Variants in LRRC4C observed in about 807,000 individuals in gnomAD.
LRRC4C encodes the protein leucine rich repeat containing 4C, also known as leucine-rich repeat-containing protein 4C.
Under a neutral mutation model 33.6 loss-of-function variants are expected in LRRC4C, and 5 were observed. That is an observed-to-expected ratio of 0.15 (90% CI 0.08 to 0.31). The LOEUF (loss-of-function observed/expected upper bound fraction) is 0.31. Ranked by LOEUF, LRRC4C falls within the 10% of genes least tolerant of loss-of-function variation. The pLI is 1.00. For missense variants in LRRC4C, 560 were observed against 796.7 expected, an observed-to-expected ratio of 0.70 and a Z score of 3.58; for synonymous variants, 329 against 302.0, an observed-to-expected ratio of 1.09 and a Z score of -0.93.
chr11:40,324,514 C>T (rs1317955821), intron 3 of LRRC4C, among the ~76,000 whole-genome samples: 2 of 152,200 alleles, frequency 1.3e-5, no homozygotes, highest in Admixed American at 1.3e-4. Context: ...AGTGCTGTAT[C>T]TGAGTTCTAC....
chr11:40,671,725 AATAT>A (rs143533392), intron 2 of LRRC4C, among the ~76,000 whole-genome samples: 21,535 of 149,758 alleles, frequency 0.14, 1,631 homozygotes, highest in Non-Finnish European at 0.17. Context: ...TGTAAATAGT[AATAT>A]ATAATTATCT....
intron 1 of LRRC4C, among the ~76,000 whole-genome samples, chr11:41,292,693 CAGTAACATAT>C (rs1950025709): frequency 2.6e-5 from 4 of 152,072 alleles, no homozygotes; most frequent in Non-Finnish European, 5.9e-5. Flanking sequence ...CTTAAGGATT[CAGTAACATAT>C]TGCAGCTTAT....
At chr11:40,596,577 C>T (rs1278468941) in intron 3 of LRRC4C, among the ~76,000 whole-genome samples, 1 of 151,964 alleles carries the variant, frequency 6.6e-6, no homozygotes, top group African/African-American at 2.4e-5. Context: ...TTTTTGTACG[C>T]TTCAACCATC....
chr11:40,540,059 A>G (rs1435423881), intron 3 of LRRC4C, among the ~76,000 whole-genome samples: 1 of 152,196 alleles, frequency 6.6e-6, no homozygotes, highest in East Asian at 1.9e-4. Context: ...AAAGTTGGAA[A>G]AAGTTTTACT....
intron 3 of LRRC4C, among the ~76,000 whole-genome samples, chr11:40,362,762 A>G (rs1041605823): frequency 3.3e-5 from 5 of 152,190 alleles, no homozygotes; most frequent in African/African-American, 1.2e-4. Context: ...AAAGGACACG[A>G]ACAGACGCTT....
intron 3 of LRRC4C, among the ~76,000 whole-genome samples, chr11:40,426,215 A>G (rs889107718): frequency 6.6e-6 from 1 of 152,000 alleles, no homozygotes; most frequent in African/African-American, 2.4e-5. Flanking sequence ...GGGTTTCACC[A>G]TGTTAGCCAG....
intron 2 of LRRC4C, among the ~76,000 whole-genome samples, chr11:40,829,132 T>C (rs1299341770): frequency 6.6e-6 from 1 of 152,012 alleles, no homozygotes; most frequent in Admixed American, 6.6e-5. Flanking sequence ...AAACTAGATA[T>C]CTTGTTTTGA....
intron 1 of LRRC4C, among the ~76,000 whole-genome samples, chr11:40,952,896 ACT>A (rs35019678): frequency 0.12 from 8,059 of 68,818 alleles, 226 homozygotes; most frequent in Non-Finnish European, 0.15. Context: ...ACACACACAC[ACT>A]CTCTCTCTCT....
At chr11:40,181,546 G>A (rs1861004070) in intron 5 of LRRC4C, among the ~76,000 whole-genome samples, 2 of 152,138 alleles carry the variant, frequency 1.3e-5, no homozygotes, top group Non-Finnish European at 2.9e-5. Flanking sequence ...CTCTGTGATG[G>A]ACTTTTCATA....
At chr11:41,177,899 TAACAA>T (rs1223321761) in intron 1 of LRRC4C, among the ~76,000 whole-genome samples, 3 of 152,120 alleles carry the variant, frequency 2.0e-5, no homozygotes, top group Non-Finnish European at 2.9e-5. Context: ...ATAAACACTT[TAACAA>T]ATCCCACAGC....
chr11:41,387,974 G>A (rs1031803530), intron 1 of LRRC4C, among the ~76,000 whole-genome samples: 2 of 151,682 alleles, frequency 1.3e-5, no homozygotes, highest in African/African-American at 2.4e-5. Flanking sequence ...AAAGCTTCTT[G>A]TTCCATAACC....
At chr11:41,244,865 T>C (rs1264378788) in intron 1 of LRRC4C, among the ~76,000 whole-genome samples, 2 of 152,138 alleles carry the variant, frequency 1.3e-5, no homozygotes, top group Admixed American at 1.3e-4. Flanking sequence ...AGACAAATAC[T>C]CACGACTGGC....
chr11:40,606,482 A>G lies in LRRC4C; in HGVS notation c.-270+41660T>C, dbSNP rs572336043. 9.9e-5 allele frequency among the ~76,000 whole-genome samples: 15 copies of G among 152,262 alleles called. No homozygotes were observed. The South Asian group carries it at 2.9e-3, about 29-fold the overall frequency. On this transcript the variant is annotated intron_variant, in intron 3 of 6. Transcript: ENST00000528697. ...CTAGGAGAGATTTTTTTTCAAATGAATGATAACAACATAAAATTACAAGGC... is the reference window on the plus strand; with the variant it reads ...CTAGGAGAGATTTTTTTTCAAATGAGTGATAACAACATAAAATTACAAGGC...
At chr11:40,238,784 C>T (rs80332604) in intron 5 of LRRC4C, among the ~76,000 whole-genome samples, 6,412 of 152,180 alleles carry the variant, frequency 0.042, 200 homozygotes, top group Middle Eastern at 0.078. Flanking sequence ...CTATCTTATT[C>T]ATATACCTGC....
intron 3 of LRRC4C, among the ~76,000 whole-genome samples, chr11:40,385,076 T>C (rs1256745068): frequency 6.6e-6 from 1 of 152,154 alleles, no homozygotes; most frequent in African/African-American, 2.4e-5. Flanking sequence ...AATACTTCAG[T>C]ATAAACACTT....
intron 1 of LRRC4C, among the ~76,000 whole-genome samples, chr11:41,447,308 T>C (rs1249595424): frequency 6.6e-6 from 1 of 152,216 alleles, no homozygotes; most frequent in East Asian, 1.9e-4. Flanking sequence ...ATGTTCATCC[T>C]CATCACGGGC....
At chr11:40,618,070 C>G (rs1231758215) in intron 3 of LRRC4C, among the ~76,000 whole-genome samples, 2 of 151,568 alleles carry the variant, frequency 1.3e-5, no homozygotes, top group East Asian at 3.9e-4. Flanking sequence ...TTTGAACCAG[C>G]GTGAATTAGG....
chr11:41,017,826 T>A (rs1402564419), intron 1 of LRRC4C, among the ~76,000 whole-genome samples: 1 of 150,896 alleles, frequency 6.6e-6, no homozygotes, highest in African/African-American at 2.4e-5. Flanking sequence ...TATGGCAAAA[T>A]ACACAGAGGA....
chr11:40,388,488 C>T (rs896112047), intron 3 of LRRC4C, among the ~76,000 whole-genome samples: 1 of 152,110 alleles, frequency 6.6e-6, no homozygotes, highest in Non-Finnish European at 1.5e-5. Flanking sequence ...CCTTCCCAAA[C>T]CTTACAAACT....
Sources: gnomAD v4.1 joint callset for allele counts (sites outside exome capture counted in the v4.1 genomes callset) on GRCh38, gnomAD v4.1.1 for gene constraint, MANE v1.5 for transcripts, NCBI Gene and HGNC (gene_info 2026-07-23, HGNC 2026-07-21) for gene names.